The following FHOD3 variants were observed in gnomAD, a reference collection of about 807,000 sequenced individuals.
The protein encoded by FHOD3 is FH1/FH2 domain-containing protein 3.
A neutral mutation model predicts 173.0 loss-of-function variants in FHOD3; 90 were observed. The ratio of observed to expected loss-of-function variants is 0.52; its 90% CI spans 0.44 to 0.62. FHOD3 has a LOEUF of 0.62. Among genes scored for constraint, FHOD3 ranks in the 20% least tolerant of loss-of-function variants. The pLI, the probability that FHOD3 is intolerant of heterozygous loss-of-function variation, is 0.00. For synonymous variants in FHOD3, 828 were observed against 823.0 expected (o/e 1.01, Z -0.10); for missense variants, 1,945 against 2,034.7 (o/e 0.96, Z 0.85).
chr18:36,302,741 G>A lies in FHOD3; in HGVS notation c.165+4741G>A, dbSNP rs190198191. ...ACATCTGTTTGCTACATTACATTAA[G>A]ATTTTTAAAAGATGAGATCATTAGT... On this transcript the variant is annotated intron_variant, in intron 1 of 28. Coordinates refer to ENST00000590592, the MANE Select transcript of FHOD3 (RefSeq NM_001281740.3). 2.2e-3 allele frequency among the ~76,000 whole-genome samples: 334 copies of A among 152,320 alleles called. 1 individual carries two copies. The highest frequency in any genetic ancestry group is 3.8e-3 in the Non-Finnish European group (256 of 68,032).
intron 10 of FHOD3, among the ~76,000 whole-genome samples, chr18:36,630,677 C>G (rs964032607): frequency 2.0e-5 from 3 of 152,186 alleles, no homozygotes; most frequent in Non-Finnish European, 4.4e-5. Context: ...CTGGCACAGT[C>G]TCACCAGAAA....
At chr18:36,467,931 A>T (rs1473224347) in intron 3 of FHOD3, among the ~76,000 whole-genome samples, 1 of 152,226 alleles carries the variant, frequency 6.6e-6, no homozygotes, top group African/African-American at 2.4e-5. Flanking sequence ...AAGTGGGTCC[A>T]AATGTTAAGA....
At chr18:36,524,470 C>G (rs545390298) in intron 5 of FHOD3, among the ~76,000 whole-genome samples, 1 of 152,166 alleles carries the variant, frequency 6.6e-6, no homozygotes, top group South Asian at 2.1e-4. Context: ...GACTGGAAGC[C>G]AGGAGGGCTC....
intron 3 of FHOD3, among the ~76,000 whole-genome samples, chr18:36,469,610 C>T (rs1478762537): frequency 6.6e-6 from 1 of 152,192 alleles, no homozygotes; most frequent in Non-Finnish European, 1.5e-5. Context: ...TTGACATCAG[C>T]TATCACTCGA....
At chr18:36,758,696 T>A (rs769877789) in intron 25 of FHOD3, among the ~76,000 whole-genome samples, 2 of 152,164 alleles carry the variant, frequency 1.3e-5, no homozygotes, top group African/African-American at 2.4e-5. Flanking sequence ...GCCAGTCCAC[T>A]TAGAGGGGCC....
intron 19 of FHOD3, among the ~76,000 whole-genome samples, chr18:36,724,577 C>A (rs943101535): frequency 6.6e-6 from 1 of 152,196 alleles, no homozygotes; most frequent in Non-Finnish European, 1.5e-5. Flanking sequence ...TGGACCCAGT[C>A]CCTGAGTTGC....
chr18:36,769,176 G>T (rs1251134382), intron 27 of FHOD3, 89 bp from the exon 28 acceptor site: 3 of 1,475,038 alleles, frequency 2.0e-6, no homozygotes, highest in Non-Finnish European at 1.9e-6. Context: ...GTTGCTGAAA[G>T]AACTCAACTG....
intron 17 of FHOD3, among the ~76,000 whole-genome samples, chr18:36,699,330 G>T (rs546353173): frequency 2.0e-5 from 3 of 152,202 alleles, no homozygotes; most frequent in Non-Finnish European, 4.4e-5. Flanking sequence ...ACAAGACCTC[G>T]CCTGGAGCAG....
chr18:36,325,299 T>C (rs1430816992), intron 1 of FHOD3, among the ~76,000 whole-genome samples: 1 of 152,184 alleles, frequency 6.6e-6, no homozygotes, highest in Non-Finnish European at 1.5e-5. Context: ...TATAGCTTTC[T>C]ACACGTGTTA....
intron 14 of FHOD3, among the ~76,000 whole-genome samples, chr18:36,671,131 CCTT>C (rs1465597539): frequency 5.9e-5 from 9 of 152,218 alleles, no homozygotes; most frequent in Non-Finnish European, 1.2e-4. Flanking sequence ...TTGAGGGAAA[CCTT>C]CTGCAGATGT....
intron 3 of FHOD3, among the ~76,000 whole-genome samples, chr18:36,408,685 G>A (rs2049190535): frequency 2.6e-5 from 4 of 152,186 alleles, no homozygotes; most frequent in Admixed American, 6.5e-5. Flanking sequence ...CACAAGCACA[G>A]CCAAGGAGTT....
At chr18:36,455,617 T>C (rs1568295073) in intron 3 of FHOD3, among the ~76,000 whole-genome samples, 1 of 149,370 alleles carries the variant, frequency 6.7e-6, no homozygotes, top group Non-Finnish European at 1.5e-5. Flanking sequence ...GGTAAATAAA[T>C]GTATTTCATA....
intron 1 of FHOD3, among the ~76,000 whole-genome samples, chr18:36,328,136 C>T (rs1165811822): frequency 2.6e-5 from 4 of 152,202 alleles, no homozygotes; most frequent in African/African-American, 9.7e-5. Context: ...GGGGAGAGGG[C>T]AGTGGCCAGG....
intron 1 of FHOD3, among the ~76,000 whole-genome samples, chr18:36,338,378 A>G (rs1253975247): frequency 2.6e-5 from 4 of 152,104 alleles, no homozygotes; most frequent in Non-Finnish European, 5.9e-5. Flanking sequence ...GATGTTTCCA[A>G]CCTTCAAGAG....
intron 5 of FHOD3, among the ~76,000 whole-genome samples, chr18:36,543,618 C>T (rs138003945): frequency 1.2e-4 from 18 of 152,290 alleles, no homozygotes; most frequent in Non-Finnish European, 1.9e-4. Context: ...CTCAGCTGGC[C>T]TGAGGTCCTG....
chr18:36,486,270 A>G (rs1327629705), intron 3 of FHOD3, among the ~76,000 whole-genome samples: 2 of 152,210 alleles, frequency 1.3e-5, no homozygotes, highest in Admixed American at 1.3e-4. Flanking sequence ...CTTGGTGTTC[A>G]GTTTCTGTGT....
At chr18:36,409,048 G>A (rs1304322050) in intron 3 of FHOD3, among the ~76,000 whole-genome samples, 1 of 152,098 alleles carries the variant, frequency 6.6e-6, no homozygotes, top group African/African-American at 2.4e-5. Flanking sequence ...GACTTGAACT[G>A]GGGCCTTTGG....
intron 27 of FHOD3, among the ~76,000 whole-genome samples, chr18:36,763,580 T>C (rs1159669650): frequency 2.1e-5 from 3 of 146,022 alleles, no homozygotes; most frequent in Non-Finnish European, 1.5e-5. Context: ...ACGTTATATA[T>C]AATATGTGTA....
chr18:36,765,792 G>A (rs1191663379), intron 27 of FHOD3, among the ~76,000 whole-genome samples: 1 of 152,084 alleles, frequency 6.6e-6, no homozygotes, highest in Non-Finnish European at 1.5e-5. Flanking sequence ...GAAGCATAGT[G>A]AGAAAAAATG....
Sources: allele counts gnomAD v4.1 joint callset (sites outside exome capture counted in the v4.1 genomes callset), GRCh38; gene constraint gnomAD v4.1.1; transcripts MANE v1.5; gene names NCBI Gene and HGNC (gene_info 2026-07-23, HGNC 2026-07-21).